DCLK1: variants seen among roughly 807,000 people sequenced by gnomAD.
The protein encoded by DCLK1 is serine/threonine-protein kinase DCLK1.
DCLK1 carries 16 observed loss-of-function variants against 86.2 expected under a neutral mutation model. The observed-to-expected ratio is 0.19, with a 90% CI of 0.13 to 0.28. The LOEUF (loss-of-function observed/expected upper bound fraction) is 0.28. Among genes scored for constraint, DCLK1 ranks in the 10% least tolerant of loss-of-function variants. The pLI is 1.00. For missense variants in DCLK1, 590 were observed against 940.2 expected, an observed-to-expected ratio of 0.63 and a Z score of 4.87; for synonymous variants, 369 against 370.5, an observed-to-expected ratio of 1.00 and a Z score of 0.05.
At chr13:36,036,370 G>A (rs545864937) in intron 3 of DCLK1, among the ~76,000 whole-genome samples, 36 of 152,274 alleles carry the variant, frequency 2.4e-4, no homozygotes, top group East Asian at 5.8e-4. Context: ...CAACACCACC[G>A]GCTCGACCTC....
intron 4 of DCLK1, among the ~76,000 whole-genome samples, chr13:35,905,006 T>A (rs996535786): frequency 1.3e-5 from 2 of 152,182 alleles, no homozygotes; most frequent in African/African-American, 4.8e-5. Flanking sequence ...CCTAATAGAT[T>A]GTCATTTCCA....
chr13:36,075,562 T>A (rs1490357207), intron 3 of DCLK1, among the ~76,000 whole-genome samples: 1 of 152,212 alleles, frequency 6.6e-6, no homozygotes, highest in African/African-American at 2.4e-5. Context: ...TTCTCTCTAT[T>A]GACTGCCTCT....
intron 5 of DCLK1, among the ~76,000 whole-genome samples, chr13:35,865,626 C>T (rs1435563469): frequency 6.6e-6 from 1 of 152,182 alleles, no homozygotes; most frequent in Non-Finnish European, 1.5e-5. Context: ...AGAATAGGGG[C>T]TTTCTTTCAT....
intron 3 of DCLK1, among the ~76,000 whole-genome samples, chr13:36,036,331 A>T (rs968403014): frequency 6.6e-6 from 1 of 152,072 alleles, no homozygotes; most frequent in African/African-American, 2.4e-5. Context: ...GCTGCTGTGC[A>T]CTCTACCGCT....
intron 1 of DCLK1, among the ~76,000 whole-genome samples, chr13:36,130,482 G>A (rs1886324770): frequency 6.6e-6 from 1 of 152,188 alleles, no homozygotes; most frequent in Admixed American, 6.5e-5. Flanking sequence ...TTGCGGGGCT[G>A]TGCGTGCGCT....
intron 3 of DCLK1, among the ~76,000 whole-genome samples, chr13:36,101,015 G>C (rs1885200361): frequency 6.6e-6 from 1 of 152,136 alleles, no homozygotes; most frequent in South Asian, 2.1e-4. Flanking sequence ...GTCCATGTTG[G>C]GAATTGTCTC....
intron 4 of DCLK1, among the ~76,000 whole-genome samples, chr13:35,930,387 A>G (rs1876363477): frequency 6.6e-6 from 1 of 152,266 alleles, no homozygotes; most frequent in African/African-American, 2.4e-5. Flanking sequence ...TGTGTGGGTC[A>G]GTGTAAGGGA....
intron 3 of DCLK1, among the ~76,000 whole-genome samples, chr13:36,033,674 C>T (rs576400166): frequency 6.6e-6 from 1 of 152,228 alleles, no homozygotes; most frequent in Admixed American, 6.5e-5. Context: ...GCCTGTAATC[C>T]CAGAACTTTG....
chr13:35,793,302 T>A (rs1001432654), intron 16 of DCLK1, 64 bp downstream of exon 16: 1 of 1,298,234 alleles, frequency 7.7e-7, no homozygotes, highest in East Asian at 2.4e-5. Flanking sequence ...ATCTCCTGAG[T>A]AATGCCTGTC....
Position 35,821,672 on chromosome 13 carries a change from G to GTATATA in DCLK1, c.1554+1051_1554+1056dup, listed in dbSNP as rs34181385. On this transcript the variant is annotated intron_variant, in intron 11 of 16. Transcript: ENST00000360631. ...GGAAAAGATATATATATAAATATAT[G>GTATATA]TATATATATATATATATATGCACAG... Among the ~76,000 whole-genome samples the GTATATA allele has an allele frequency of 9.7e-5, 14 of 144,706 alleles. No individual in the cohort carries two copies. The South Asian group carries it at 1.3e-3, about 13-fold the overall frequency. The allele number at this position is 144,706 out of a possible 152,430, so 94.9% of individuals were successfully genotyped here. A position where few individuals can be genotyped will look rare whatever the true frequency, so the allele number is the denominator to read the frequency against.
chr13:35,774,768 G>C (rs2086395407), intron 16 of DCLK1, 69 bp from the exon 17 acceptor site: 1 of 1,519,006 alleles, frequency 6.6e-7, no homozygotes, highest in African/African-American at 1.4e-5. Context: ...ACTCTTTCTA[G>C]AACTTTCTGA....
In DCLK1 at chr13:35,770,618, GC is replaced by G. The variant is rs887169638; in HGVS notation, c.*3916del. 1.6e-4 allele frequency: 24 copies of G among 150,640 alleles called. No individual in the cohort carries two copies. The highest frequency in any genetic ancestry group is 5.3e-4 in the African/African-American group (22 of 41,254). 9.3% of individuals were successfully genotyped at this position (150,640 alleles called of 1,614,324 possible). A position where few individuals can be genotyped will look rare whatever the true frequency, so the allele number is the denominator to read the frequency against. On this transcript the variant is annotated 3_prime_UTR_variant, in exon 17 of 17. Transcript: ENST00000360631. ...ACTTCAAGTCTTTTAAAATCTTTGG[GC>G]AAAAAAAAATATCATGTAGCAGTTA...
chr13:36,049,053 T>C (rs1350062186), intron 3 of DCLK1, among the ~76,000 whole-genome samples: 1 of 152,170 alleles, frequency 6.6e-6, no homozygotes, highest in African/African-American at 2.4e-5. Flanking sequence ...CCCTTTAAAC[T>C]CTATCTCATG....
intron 3 of DCLK1, among the ~76,000 whole-genome samples, chr13:36,098,780 C>G (rs542616272): frequency 3.9e-5 from 6 of 152,160 alleles, no homozygotes; most frequent in African/African-American, 1.4e-4. Context: ...TGAATGGGAA[C>G]TTTACACACC....
chr13:36,017,898 C>A (rs1331452410), intron 3 of DCLK1, among the ~76,000 whole-genome samples: 1 of 152,190 alleles, frequency 6.6e-6, no homozygotes, highest in African/African-American at 2.4e-5. Flanking sequence ...TGCCCAGCAC[C>A]ATCCTCCCGA....
At chr13:35,825,332 C>A (rs957058366) in intron 10 of DCLK1, among the ~76,000 whole-genome samples, 6 of 152,222 alleles carry the variant, frequency 3.9e-5, no homozygotes, top group South Asian at 4.1e-4. Context: ...GAGATTAAAT[C>A]GAAGGGTATG....
intron 11 of DCLK1, among the ~76,000 whole-genome samples, chr13:35,812,611 C>T (rs9545433): frequency 0.27 from 41,701 of 152,196 alleles, 6,433 homozygotes; most frequent in African/African-American, 0.42. Flanking sequence ...CAATGATCAC[C>T]TGGATCCAAC....
At chr13:35,968,054 A>C (rs1259682786) in intron 3 of DCLK1, among the ~76,000 whole-genome samples, 1 of 152,108 alleles carries the variant, frequency 6.6e-6, no homozygotes, top group Non-Finnish European at 1.5e-5. Context: ...ATTTAAAAAA[A>C]AAAATGAATG....
In DCLK1 at chr13:36,005,021, C is replaced by T. The variant is rs577808414; in HGVS notation, c.724-57564G>A. ...AAATTGTGGCACTGAAATTTTACAT[C>T]ATTAGCATGAAACTAATACAAAGAG... is the stretch of plus-strand genomic sequence containing the variant. On this transcript the variant is annotated intron_variant, in intron 3 of 16. Transcript: ENST00000360631. Among the ~76,000 whole-genome samples the T allele has an allele frequency of 2.0e-5, 3 of 152,230 alleles. No homozygotes were observed. In the East Asian group the frequency reaches 5.8e-4, roughly 29 times the overall value.
Sources: gnomAD v4.1 joint callset for allele counts (sites outside exome capture counted in the v4.1 genomes callset) on GRCh38, gnomAD v4.1.1 for gene constraint, MANE v1.5 for transcripts, NCBI Gene and HGNC (gene_info 2026-07-23, HGNC 2026-07-21) for gene names.